APPL1: variants seen among roughly 807,000 people sequenced by gnomAD.
The protein encoded by APPL1 is adaptor protein, phosphotyrosine interacting with PH domain and leucine zipper 1.
A neutral mutation model predicts 106.8 loss-of-function variants in APPL1; 42 were observed. The ratio of observed to expected loss-of-function variants is 0.39; its 90% CI spans 0.31 to 0.51. APPL1 has a LOEUF of 0.51. Among genes scored for constraint, APPL1 ranks in the 20% least tolerant of loss-of-function variants. The probability of loss-of-function intolerance (pLI) is 0.75; values close to 1 mark genes in which losing one functional copy is unlikely to be tolerated. For missense variants in APPL1, 769 were observed against 858.2 expected, an observed-to-expected ratio of 0.90 and a Z score of 1.30; for synonymous variants, 263 against 281.8, an observed-to-expected ratio of 0.93 and a Z score of 0.67.
At chr3:57,251,880 TAATG>T (rs764169684) in intron 11 of APPL1, among the ~76,000 whole-genome samples, 44 of 152,146 alleles carry the variant, frequency 2.9e-4, no homozygotes, top group Non-Finnish European at 4.9e-4. Flanking sequence ...AAAGGAGAAA[TAATG>T]AAGTAAAGTT....
chr3:57,244,039 A>G (rs1338445240), intron 7 of APPL1, among the ~76,000 whole-genome samples: 1 of 152,182 alleles, frequency 6.6e-6, no homozygotes, highest in Non-Finnish European at 1.5e-5. Context: ...AAGGATGACA[A>G]GAAGGCATGA....
intron 11 of APPL1, 66 bp downstream of exon 11, chr3:57,249,614 C>T: frequency 1.5e-6 from 2 of 1,351,534 alleles, no homozygotes; most frequent in Non-Finnish European, 2.0e-6. Flanking sequence ...TGAGATAATT[C>T]CTTTTTGTTT....
chr3:57,234,274 T>C (rs1221386652), intron 1 of APPL1, among the ~76,000 whole-genome samples: 3 of 151,928 alleles, frequency 2.0e-5, no homozygotes, highest in Admixed American at 2.0e-4. Context: ...TTCCTTATCT[T>C]TGACAAATTT....
At chr3:57,244,173 T>TG (rs1311494896) in intron 7 of APPL1, among the ~76,000 whole-genome samples, 1 of 151,904 alleles carries the variant, frequency 6.6e-6, no homozygotes, top group Non-Finnish European at 1.5e-5. Flanking sequence ...TTTTTTTTTT[T>TG]GAGACAGGGC....
At chr3:57,240,589 G>C (rs771915730) in intron 5 of APPL1, 37 bp downstream of exon 5, 4 of 1,537,758 alleles carry the variant, frequency 2.6e-6, no homozygotes, top group South Asian at 1.1e-5. Flanking sequence ...TTCATTGGCT[G>C]TGAGATCAAC....
At position 57,228,082 on chromosome 3, in the gene APPL1, C is replaced by T. The variant is rs2060662679; in HGVS notation, c.54+145C>T. 4.4e-6 allele frequency: 3 copies of T among 682,464 alleles called. No homozygotes were observed. Among genetic ancestry groups the T allele is most frequent in the African/African-American group, 1.9e-5 (1 of 52,442 alleles). 42.3% of individuals were successfully genotyped at this position (682,464 alleles called of 1,614,324 possible). ...GGTCACCGCCCGTCGCAGGCCGCGCCCGGAGTTGTGGAGGCTGGGCCCGCC... is the reference window on the plus strand; with the variant it reads ...GGTCACCGCCCGTCGCAGGCCGCGCTCGGAGTTGTGGAGGCTGGGCCCGCC... On this transcript the variant is annotated intron_variant, in intron 1 of 21. Transcript: ENST00000288266. The surrounding 1 kb of genome is among the most constrained non-coding windows in gnomAD (Gnocchi z 4.6).
chr3:57,239,548 T>C (rs1169702140), intron 4 of APPL1, among the ~76,000 whole-genome samples: 1 of 152,220 alleles, frequency 6.6e-6, no homozygotes, highest in Non-Finnish European at 1.5e-5. Flanking sequence ...TATCTGTGTA[T>C]CTGTTTATCT....
At chr3:57,235,341 A>G (rs1279793706) in intron 1 of APPL1, among the ~76,000 whole-genome samples, 1 of 152,182 alleles carries the variant, frequency 6.6e-6, no homozygotes, top group Non-Finnish European at 1.5e-5. Flanking sequence ...TGTTTCTCCT[A>G]AAGTTTGTGT....
At chr3:57,230,667 T>G in intron 1 of APPL1, 1 of 372,422 alleles carries the variant, frequency 2.7e-6, no homozygotes, top group South Asian at 2.0e-5. Context: ...CTGAGATTAA[T>G]GCTTTGGAGC....
At chr3:57,247,530 C>A in intron 9 of APPL1, 53 bp downstream of exon 9, 2 of 1,099,486 alleles carry the variant, frequency 1.8e-6, no homozygotes, top group Non-Finnish European at 1.4e-6. Context: ...ATGATAACAG[C>A]TCAATGACAT....
chr3:57,273,150 TG>T lies in APPL1; in HGVS notation c.*3468del, dbSNP rs887372720. The T allele has an allele frequency of 2.8e-4, 43 of 152,786 alleles. No homozygotes were observed. In the Middle Eastern group the frequency reaches 0.014, roughly 48 times the overall value. 9.5% of individuals were successfully genotyped at this position (152,786 alleles called of 1,614,324 possible). A position where few individuals can be genotyped will look rare whatever the true frequency, so the allele number is the denominator to read the frequency against. ...AAATTTACTTCAGTTAATATGAGAC[TG>T]GGGGTTAAGTTGTAACTAATATGCA... On this transcript the variant is annotated 3_prime_UTR_variant, in exon 22 of 22. Transcript: ENST00000288266.
chr3:57,232,760 T>G (rs1462771244), intron 1 of APPL1, among the ~76,000 whole-genome samples: 1 of 152,164 alleles, frequency 6.6e-6, no homozygotes, highest in East Asian at 1.9e-4. Flanking sequence ...CCCAGCACTT[T>G]GGGAGGCCGA....
rs1351865129 is a variant in APPL1 at position 57,246,981 on chromosome 3, A to G, written c.622-414A>G. On this transcript the variant is annotated intron_variant, in intron 8 of 21. Coordinates refer to ENST00000288266, the MANE Select transcript of APPL1 (RefSeq NM_012096.3). ...TTGTGCAGTCTGGATGACAGACGAG[A>G]CCCTGTCTCAAAAAAAAAAAAAAAA... Among the ~76,000 whole-genome samples, 13 of 139,682 alleles carry G rather than the reference A, an allele frequency of 9.3e-5. 1 individual carries two copies. In the East Asian group the frequency reaches 2.7e-3, roughly 29 times the overall value. The allele number at this position is 139,682 out of a possible 152,430, so 91.6% of individuals were successfully genotyped here.
intron 1 of APPL1, among the ~76,000 whole-genome samples, chr3:57,233,259 C>A (rs2060697874): frequency 6.6e-6 from 1 of 152,110 alleles, no homozygotes. Context: ...ATGCATCTTA[C>A]AATGGATACC....
intron 19 of APPL1, among the ~76,000 whole-genome samples, chr3:57,266,528 A>G (rs138817118): frequency 2.6e-5 from 4 of 152,324 alleles, no homozygotes; most frequent in Admixed American, 2.6e-4. Flanking sequence ...TTTATGCAGT[A>G]TCAATTGTAA....
chr3:57,251,292 G>A, intron 11 of APPL1, among the ~76,000 whole-genome samples: 1 of 151,482 alleles, frequency 6.6e-6, no homozygotes. Flanking sequence ...GGGAGGCCAA[G>A]GCGGGTGGAT....
intron 12 of APPL1, 113 bp from the exon 13 acceptor site, chr3:57,253,569 T>A: frequency 1.3e-6 from 1 of 755,302 alleles, no homozygotes; most frequent in Non-Finnish European, 1.9e-6. Context: ...ATAAGGAAGA[T>A]AAATATATTA....
chr3:57,254,239 A>C (rs977503228), intron 13 of APPL1, among the ~76,000 whole-genome samples: 6 of 152,244 alleles, frequency 3.9e-5, no homozygotes, highest in African/African-American at 1.2e-4. Flanking sequence ...AAAGATACTC[A>C]GTCAACCAAC....
intron 1 of APPL1, among the ~76,000 whole-genome samples, chr3:57,230,946 A>G (rs1232660013): frequency 6.6e-6 from 1 of 151,810 alleles, no homozygotes; most frequent in Non-Finnish European, 1.5e-5. Flanking sequence ...CGCCTAGGCT[A>G]GAGTGCAGTG....
Sources: allele counts gnomAD v4.1 joint callset (sites outside exome capture counted in the v4.1 genomes callset), GRCh38; gene constraint gnomAD v4.1.1; non-coding constraint Gnocchi (gnomAD v3.1); transcripts MANE v1.5; gene names NCBI Gene and HGNC (gene_info 2026-07-23, HGNC 2026-07-21).